The following LRRC7 variants were observed in gnomAD, a reference collection of about 807,000 sequenced individuals.
The protein encoded by LRRC7 is leucine-rich repeat-containing protein 7.
Under a neutral mutation model 175.7 loss-of-function variants are expected in LRRC7, and 23 were observed. The ratio of observed to expected loss-of-function variants is 0.13; its 90% CI spans 0.09 to 0.19. LRRC7 has a LOEUF of 0.19. Ranked by LOEUF, LRRC7 falls within the 10% of genes least tolerant of loss-of-function variation. The pLI is 1.00. For missense variants in LRRC7, 1,354 were observed against 1,904.7 expected, an observed-to-expected ratio of 0.71 and a Z score of 5.38; for synonymous variants, 685 against 680.9, an observed-to-expected ratio of 1.01 and a Z score of -0.09.
At chr1:70,093,898 C>G (rs901197661) in intron 25 of LRRC7, among the ~76,000 whole-genome samples, 2 of 152,112 alleles carry the variant, frequency 1.3e-5, no homozygotes, top group African/African-American at 4.8e-5. Context: ...AAAGAGGAAA[C>G]TGCATTAATA....
chr1:69,789,921 C>T (rs1034388627), intron 3 of LRRC7, among the ~76,000 whole-genome samples: 1 of 151,932 alleles, frequency 6.6e-6, no homozygotes, highest in Non-Finnish European at 1.5e-5. Context: ...TGACAAACAA[C>T]GTCTTACATT....
chr1:69,650,945 A>G (rs1289045690), intron 1 of LRRC7, among the ~76,000 whole-genome samples: 1 of 152,214 alleles, frequency 6.6e-6, no homozygotes, highest in Admixed American at 6.5e-5. Flanking sequence ...CTATCCTCAC[A>G]TGAAAGTTAC....
chr1:70,006,652 C>T (rs1469004494), intron 11 of LRRC7, among the ~76,000 whole-genome samples: 1 of 152,048 alleles, frequency 6.6e-6, no homozygotes. Context: ...TTCGACACAC[C>T]TACCTGAAGT....
intron 7 of LRRC7, among the ~76,000 whole-genome samples, chr1:69,868,236 T>G (rs1913274): frequency 6.6e-6 from 1 of 151,822 alleles, no homozygotes; most frequent in South Asian, 2.1e-4. Context: ...ACAATAAAAT[T>G]TCTATTATTT....
At chr1:69,718,128 A>AGGAAAGAGAGAGAG (rs1553146102) in intron 2 of LRRC7, among the ~76,000 whole-genome samples, 1 of 67,800 alleles carries the variant, frequency 1.5e-5, no homozygotes, top group Non-Finnish European at 2.6e-5. Flanking sequence ...AAAGAAAGAA[A>AGGAAAGAGAGAGAG]AGAAAGAAAG....
At position 69,985,611 on chromosome 1, in the gene LRRC7, C is replaced by G. The variant is rs1653866524; in HGVS notation, c.787-631C>G. The stretch of plus-strand genomic sequence containing the variant: ...ATTTTCATGAGCCCTAAAAGAAAAC[C>G]TGAACCTATTAGCCATAACTCCCAC... On this transcript the variant is annotated intron_variant, in intron 9 of 26. Transcript: ENST00000651989. Among the ~76,000 whole-genome samples, 2 of 152,116 alleles carry G rather than the reference C, an allele frequency of 1.3e-5. 1 individual carries two copies. Among genetic ancestry groups the G allele is most frequent in the Admixed American group, 1.3e-4 (2 of 15,254 alleles).
chr1:69,671,565 A>G (rs988065001), intron 1 of LRRC7, among the ~76,000 whole-genome samples: 13 of 152,128 alleles, frequency 8.5e-5, no homozygotes, highest in Admixed American at 5.2e-4. Context: ...GTTCAGTCCT[A>G]GGACTTACCT....
chr1:69,899,391 A>G (rs937841507), intron 7 of LRRC7, among the ~76,000 whole-genome samples: 1 of 152,106 alleles, frequency 6.6e-6, no homozygotes, highest in African/African-American at 2.4e-5. Context: ...TCCTAACAAG[A>G]CTCCTGAAGT....
Position 70,142,389 on chromosome 1 carries a change from C to T in LRRC7, c.*20502C>T, listed in dbSNP as rs577278987. 1 of 152,206 alleles carries T rather than the reference C, an allele frequency of 6.6e-6. No homozygotes were observed. The highest frequency in any genetic ancestry group is 2.4e-5 in the African/African-American group (1 of 41,544). 9.4% of individuals were successfully genotyped at this position (152,206 alleles called of 1,614,324 possible). A position where few individuals can be genotyped will look rare whatever the true frequency, so the allele number is the denominator to read the frequency against. ...TGTTTGGGCATTTCTCTTTAACATCCTCAAATACACTTTCATCCTTGAAAA... is the reference window on the plus strand; with the variant it reads ...TGTTTGGGCATTTCTCTTTAACATCTTCAAATACACTTTCATCCTTGAAAA... On this transcript the variant is annotated 3_prime_UTR_variant, in exon 27 of 27. Coordinates refer to ENST00000651989, the MANE Select transcript of LRRC7 (RefSeq NM_001370785.2).
chr1:69,997,909 G>A (rs1490762554), intron 11 of LRRC7, among the ~76,000 whole-genome samples: 1 of 152,116 alleles, frequency 6.6e-6, no homozygotes. Context: ...GATGATGCTG[G>A]CCTCATAAAA....
intron 1 of LRRC7, among the ~76,000 whole-genome samples, chr1:69,641,597 C>G (rs917208053): frequency 3.3e-5 from 5 of 151,504 alleles, no homozygotes; most frequent in Admixed American, 2.0e-4. Context: ...AGCATTATAG[C>G]TAGCATTATC....
chr1:69,814,498 A>G (rs2101161422), intron 4 of LRRC7, among the ~76,000 whole-genome samples: 1 of 152,300 alleles, frequency 6.6e-6, no homozygotes, highest in South Asian at 2.1e-4. Context: ...CATTCATATC[A>G]TCAAATACTC....
chr1:70,012,899 T>C (rs1231929868), intron 12 of LRRC7, 75 bp from the exon 13 acceptor site: 7 of 732,070 alleles, frequency 9.6e-6, no homozygotes, highest in Non-Finnish European at 1.3e-5. Context: ...TAAATTGTTT[T>C]AAAAATTAGA....
intron 9 of LRRC7, among the ~76,000 whole-genome samples, chr1:69,985,927 T>G (rs1035765989): frequency 6.6e-6 from 1 of 152,234 alleles, no homozygotes; most frequent in African/African-American, 2.4e-5. Context: ...TTGTGAATAA[T>G]GCATCTGTGA....
chr1:69,814,898 A>G (rs1244245087), intron 4 of LRRC7, among the ~76,000 whole-genome samples: 2 of 152,082 alleles, frequency 1.3e-5, no homozygotes, highest in East Asian at 1.9e-4. Context: ...TTCTTGCCAC[A>G]TTTTGTTTTT....
At chr1:69,629,196 T>G (rs145546392) in intron 1 of LRRC7, among the ~76,000 whole-genome samples, 1 of 152,040 alleles carries the variant, frequency 6.6e-6, no homozygotes, top group Non-Finnish European at 1.5e-5. Flanking sequence ...GAGAAAATAT[T>G]GGCAAAAAAC....
chr1:69,578,078 CT>C (rs1646031537), intron 1 of LRRC7, among the ~76,000 whole-genome samples: 1 of 152,064 alleles, frequency 6.6e-6, no homozygotes, highest in Admixed American at 6.6e-5. Context: ...CTACAATGAA[CT>C]CAAACAAATT....
intron 7 of LRRC7, among the ~76,000 whole-genome samples, chr1:69,915,405 G>C (rs1646655497): frequency 6.6e-6 from 1 of 152,224 alleles, no homozygotes; most frequent in Admixed American, 6.5e-5. Flanking sequence ...CACAGACTGA[G>C]ATACACAAGA....
chr1:70,088,543 G>A (rs1330195453), intron 24 of LRRC7, among the ~76,000 whole-genome samples: 2 of 152,104 alleles, frequency 1.3e-5, no homozygotes, highest in Non-Finnish European at 2.9e-5. Context: ...GACAGAGTAA[G>A]ACCTTGTCAC....
Sources: gnomAD v4.1 joint callset for allele counts (sites outside exome capture counted in the v4.1 genomes callset) on GRCh38, gnomAD v4.1.1 for gene constraint, MANE v1.5 for transcripts, NCBI Gene and HGNC (gene_info 2026-07-23, HGNC 2026-07-21) for gene names.